The following FGF4 variants were observed in gnomAD, a reference collection of about 807,000 sequenced individuals.
The protein encoded by FGF4 is heparin secretory transforming protein 1.
FGF4 carries 9 observed loss-of-function variants against 15.7 expected under a neutral mutation model. That is an observed-to-expected ratio of 0.57 (90% CI 0.35 to 1.00). The LOEUF is 1.00. Ranked by LOEUF, FGF4 falls within the 50% of genes least tolerant of loss-of-function variation. The pLI, the probability that FGF4 is intolerant of heterozygous loss-of-function variation, is 0.02. For synonymous variants in FGF4, 164 were observed against 144.8 expected, an observed-to-expected ratio of 1.13 and a Z score of -0.95; for missense variants, 286 against 297.3, an observed-to-expected ratio of 0.96 and a Z score of 0.28.
At position 69,771,454 on chromosome 11, in the gene FGF4, G is replaced by T. The variant is rs80187366; in HGVS notation, c.*1855C>A. On this transcript the variant is annotated 3_prime_UTR_variant, in exon 3 of 3. Coordinates refer to ENST00000168712, the MANE Select transcript of FGF4 (RefSeq NM_002007.4). ...AAGTGAATACATTAAAATTCAGAAA[G>T]TCGACGGATGATCCCTCCACACCCC... 1 of 152,118 alleles carries T rather than the reference G, an allele frequency of 6.6e-6. No individual in the cohort carries two copies. Among genetic ancestry groups the T allele is most frequent in the African/African-American group, 2.4e-5 (1 of 41,400 alleles). The allele number at this position is 152,118 out of a possible 1,614,324, so 9.4% of individuals were successfully genotyped here.
Position 69,775,250 on chromosome 11 carries a change from C to G in FGF4, c.-166G>C, listed in dbSNP as rs1054447598. On this transcript the variant is annotated 5_prime_UTR_variant, in exon 1 of 3. It removes the in-frame stop codon of an upstream open reading frame in the 5' UTR. Coordinates refer to ENST00000168712, the MANE Select transcript of FGF4 (RefSeq NM_002007.4). ...CGACGGGGCCCCCGGGCGCCGGGCT[C>G]TACCCCGGCTGCATGGAGCGGCGAG... 1 of 421,960 alleles carries G rather than the reference C, an allele frequency of 2.4e-6. No homozygotes were observed. The highest frequency in any genetic ancestry group is 4.0e-6 in the Non-Finnish European group (1 of 249,736). The allele number at this position is 421,960 out of a possible 1,614,324, so 26.1% of individuals were successfully genotyped here. A position where few individuals can be genotyped will look rare whatever the true frequency, so the allele number is the denominator to read the frequency against.
At chr11:69,773,888 C>T in intron 2 of FGF4, 136 bp downstream of exon 2, 1 of 672,034 alleles carries the variant, frequency 1.5e-6, no homozygotes, top group African/African-American at 1.8e-5. Context: ...TCTGGGGAGG[C>T]CTGCCGGTCC....
chr11:69,771,942 C>T lies in FGF4; in HGVS notation c.*1367G>A, dbSNP rs1325972954. 3 of 152,124 alleles carry T rather than the reference C, an allele frequency of 2.0e-5. No homozygotes were observed. Among genetic ancestry groups the T allele is most frequent in the East Asian group, 1.9e-4 (1 of 5,194 alleles). 9.4% of individuals were successfully genotyped at this position (152,124 alleles called of 1,614,324 possible). ...GAACTTTTTTTAAACATCACCGACC[C>T]TGCCTCTTCCACGGTTGCTTCAATG... On this transcript the variant is annotated 3_prime_UTR_variant, in exon 3 of 3. Coordinates refer to ENST00000168712, the MANE Select transcript of FGF4 (RefSeq NM_002007.4).
At chr11:69,774,165 C>T (rs1855610468) in intron 1 of FGF4, 38 bp from the exon 2 acceptor site, 1 of 1,490,244 alleles carries the variant, frequency 6.7e-7, no homozygotes, top group Non-Finnish European at 9.3e-7. Flanking sequence ...GGCAGGTGAT[C>T]CCTGGCCCAC....
rs1855628379 is a variant in FGF4 at position 69,775,233 on chromosome 11, C to G, written c.-149G>C. 2 of 484,622 alleles carry G rather than the reference C, an allele frequency of 4.1e-6. No homozygotes were observed. The highest frequency in any genetic ancestry group is 4.5e-5 in the Admixed American group (1 of 22,238). 30.0% of individuals were successfully genotyped at this position (484,622 alleles called of 1,614,324 possible). A position where few individuals can be genotyped will look rare whatever the true frequency, so the allele number is the denominator to read the frequency against. ...GAGGTGCGGGAGGCAAGCGACGGGGCCCCCGGGCGCCGGGCTCTACCCCGG... is the reference window on the plus strand; with the variant it reads ...GAGGTGCGGGAGGCAAGCGACGGGGGCCCCGGGCGCCGGGCTCTACCCCGG... On this transcript the variant is annotated 5_prime_UTR_variant, in exon 1 of 3. Coordinates refer to ENST00000168712, the MANE Select transcript of FGF4 (RefSeq NM_002007.4).
rs564687228 is a variant in FGF4 at position 69,773,299 on chromosome 11, C to T, written c.*10G>A. 6 of 1,613,862 alleles carry T rather than the reference C, an allele frequency of 3.7e-6. No homozygotes were observed. The East Asian group carries it at 1.3e-4, about 36-fold the overall frequency. The stretch of plus-strand genomic sequence containing the variant: ...GCTTCCCGAGGCTGAGGCAAGGGTC[C>T]TCTGGAGGGTCACAGCCTGGGGAGG... On this transcript the variant is annotated 3_prime_UTR_variant, in exon 3 of 3. Transcript: ENST00000168712.
At position 69,772,735 on chromosome 11, in the gene FGF4, G is replaced by GTTCAA. The variant is rs2119825580; in HGVS notation, c.*573_*574insTTGAA. 1 of 154,914 alleles carries GTTCAA rather than the reference G, an allele frequency of 6.5e-6. No individual in the cohort carries two copies. Among genetic ancestry groups the GTTCAA allele is most frequent in the East Asian group, 1.8e-4 (1 of 5,556 alleles). 9.6% of individuals were successfully genotyped at this position (154,914 alleles called of 1,614,324 possible). On this transcript the variant is annotated 3_prime_UTR_variant, in exon 3 of 3. Transcript: ENST00000168712. ...AAGATTGACTACAGGAAAGTTCAAA[G>GTTCAA]GTCAGTCTTGGCAGATCTAAAAACA...
intron 2 of FGF4, 138 bp downstream of exon 2, chr11:69,773,886 G>A: frequency 1.5e-6 from 1 of 662,274 alleles, no homozygotes; most frequent in Non-Finnish European, 2.6e-6. Context: ...TGTCTGGGGA[G>A]GCCTGCCGGT....
Position 69,775,042 on chromosome 11 carries a change from C to T in FGF4, c.43G>A (p.Val15Ile), listed in dbSNP as rs1405375767. The change falls in exon 1 of 3, where the codon GTC becomes ATC. Residue 15 changes from valine (V) to isoleucine (I), a missense_variant. By Grantham distance (29) the Val-to-Ile change is conservative (BLOSUM62 3). Transcript: ENST00000168712. ...CAGGGCGCCAGCAAGGCCAGCAGGA[C>T]CGCCGGGAGCAGCGCTACCGCGGCC... ...GTAAVALLPA[V>I]LLALLAPWAG... 7.1e-7 allele frequency: 1 copy of T among 1,402,504 alleles called. No homozygotes were observed. The allele number at this position is 1,402,504 out of a possible 1,614,324, so 86.9% of individuals were successfully genotyped here. A position where few individuals can be genotyped will look rare whatever the true frequency, so the allele number is the denominator to read the frequency against.
At chr11:69,773,728 A>T (rs556304786) in intron 2 of FGF4, among the ~76,000 whole-genome samples, 6 of 152,312 alleles carry the variant, frequency 3.9e-5, no homozygotes, top group African/African-American at 1.4e-4. Context: ...CTCCGTGTCC[A>T]GCCTCAAGCC....
rs1238037919 is a variant in FGF4 at position 69,775,214 on chromosome 11, CG to C, written c.-131del. On this transcript the variant is annotated 5_prime_UTR_variant, in exon 1 of 3. Coordinates refer to ENST00000168712, the MANE Select transcript of FGF4 (RefSeq NM_002007.4). ...GCAGGAGTGCGCAACCGAGGAGGTGCGGGAGGCAAGCGACGGGGCCCCCGGG... is the reference window on the plus strand; with the variant it reads ...GCAGGAGTGCGCAACCGAGGAGGTGCGGAGGCAAGCGACGGGGCCCCCGGG... The C allele has an allele frequency of 8.4e-6, 5 of 597,952 alleles. No homozygotes were observed. The highest frequency in any genetic ancestry group is 1.2e-5 in the Non-Finnish European group (5 of 410,622). The allele number at this position is 597,952 out of a possible 1,614,324, so 37.0% of individuals were successfully genotyped here.
Position 69,775,044 on chromosome 11 carries a change from G to T in FGF4, c.41C>A (p.Ala14Glu). Residue 14 changes from alanine to glutamate, a missense_variant, in exon 1 of 3, where the codon GCG becomes GAG. Transcript: ENST00000168712. ...GGGCGCCAGCAAGGCCAGCAGGACC[G>T]CCGGGAGCAGCGCTACCGCGGCCGT... ...PGTAAVALLP[A>E]VLLALLAPWA... is the part of the protein sequence containing the mutation. 1.4e-6 allele frequency: 2 copies of T among 1,398,676 alleles called. No homozygotes were observed. The highest frequency in any genetic ancestry group is 1.5e-5 in the African/African-American group (1 of 66,116). The allele number at this position is 1,398,676 out of a possible 1,614,324, so 86.6% of individuals were successfully genotyped here.
Position 69,771,835 on chromosome 11 carries a change from G to A in FGF4, c.*1474C>T, listed in dbSNP as rs1855572523. 2 of 152,150 alleles carry A rather than the reference G, an allele frequency of 1.3e-5. No individual in the cohort carries two copies. The highest frequency in any genetic ancestry group is 2.9e-5 in the Non-Finnish European group (2 of 68,040). The allele number at this position is 152,150 out of a possible 1,614,324, so 9.4% of individuals were successfully genotyped here. A position where few individuals can be genotyped will look rare whatever the true frequency, so the allele number is the denominator to read the frequency against. On this transcript the variant is annotated 3_prime_UTR_variant, in exon 3 of 3. Coordinates refer to ENST00000168712, the MANE Select transcript of FGF4 (RefSeq NM_002007.4). The stretch of plus-strand genomic sequence containing the variant: ...TTAAAGTCTTGACGAAACATTCGGA[G>A]CATTTCTGGTAGCAAGCTAAGGTCA...
Position 69,773,436 on chromosome 11 carries a change from T to A in FGF4, c.494A>T (p.Asn165Ile), listed in dbSNP as rs1288378265. 3.7e-6 allele frequency: 6 copies of A among 1,614,120 alleles called. No individual in the cohort carries two copies. Among genetic ancestry groups the A allele is most frequent in the Non-Finnish European group, 5.1e-6 (6 of 1,179,996 alleles). ...CTFKEILLPN[N>I]YNAYESYKYP... ...CTTGTAGGACTCGTAGGCGTTGTAG[T>A]TGTTGGGAAGGAGAATCTCCTTGAA... Residue 165 changes from asparagine (N) to isoleucine (I), a missense_variant, in exon 3 of 3, where the codon AAC (asparagine) becomes ATC (isoleucine). By Grantham distance (149) the Asn-to-Ile change is moderately radical. Coordinates refer to ENST00000168712, the MANE Select transcript of FGF4 (RefSeq NM_002007.4).
chr11:69,775,076 C>T lies in FGF4; in HGVS notation c.9G>A (p.Gly3=), dbSNP rs1440723121. 1.5e-6 allele frequency: 2 copies of T among 1,332,642 alleles called. No homozygotes were observed. The highest frequency in any genetic ancestry group is 1.5e-5 in the African/African-American group (1 of 64,776). 82.6% of individuals were successfully genotyped at this position (1,332,642 alleles called of 1,614,324 possible). The part of the protein sequence containing the change: MS[G]PGTAAVALLP... ...GCAGCGCTACCGCGGCCGTCCCGGG[C>T]CCCGACATCCCGGCCCGAGGGCCGT... The change falls in exon 1 of 3, where the codon GGG becomes GGA. Residue 3 remains glycine (G), a synonymous_variant. Coordinates refer to ENST00000168712, the MANE Select transcript of FGF4 (RefSeq NM_002007.4).
chr11:69,773,089 GT>G lies in FGF4; in HGVS notation c.*219del, dbSNP rs1322434874. 1.9e-5 allele frequency: 9 copies of G among 480,190 alleles called. No homozygotes were observed. Among genetic ancestry groups the G allele is most frequent in the Non-Finnish European group, 3.3e-5 (9 of 272,280 alleles). 29.7% of individuals were successfully genotyped at this position (480,190 alleles called of 1,614,324 possible). A position where few individuals can be genotyped will look rare whatever the true frequency, so the allele number is the denominator to read the frequency against. On this transcript the variant is annotated 3_prime_UTR_variant, in exon 3 of 3. Transcript: ENST00000168712. ...TGTTGCACCAGAAAAGTCAGAGTTG[GT>G]TTTTTGTTTTGTCTTTTTTTCCCCC...
Position 69,771,494 on chromosome 11 carries a change from C to T in FGF4, c.*1815G>A, listed in dbSNP as rs1855568331. On this transcript the variant is annotated 3_prime_UTR_variant, in exon 3 of 3. Transcript: ENST00000168712. ...CTCCACACCCCCCAACGCCAAACAG[C>T]ATGGAGACCTACAAACACCATCTTT... The T allele has an allele frequency of 1.3e-5, 2 of 152,156 alleles. No homozygotes were observed. Among genetic ancestry groups the T allele is most frequent in the African/African-American group, 4.8e-5 (2 of 41,448 alleles). 9.4% of individuals were successfully genotyped at this position (152,156 alleles called of 1,614,324 possible). A position where few individuals can be genotyped will look rare whatever the true frequency, so the allele number is the denominator to read the frequency against.
intron 2 of FGF4, 125 bp downstream of exon 2, chr11:69,773,899 C>G (rs1379314700): frequency 1.4e-6 from 1 of 732,880 alleles, no homozygotes; most frequent in African/African-American, 1.8e-5. Flanking sequence ...CTGCCGGTCC[C>G]GTGACCTGGT....
rs757323285 is a variant in FGF4, at chr11:69,773,108, T to C, written c.*201A>G. ...GAGTTGGTTTTTTGTTTTGTCTTTT[T>C]TTCCCCCCAGAAAATTAAAAAACAC... On this transcript the variant is annotated 3_prime_UTR_variant, in exon 3 of 3. Transcript: ENST00000168712. The C allele has an allele frequency of 1.0e-5, 5 of 479,062 alleles. No homozygotes were observed. Among genetic ancestry groups the C allele is most frequent in the Non-Finnish European group, 1.8e-5 (5 of 272,816 alleles). The allele number at this position is 479,062 out of a possible 1,614,324, so 29.7% of individuals were successfully genotyped here. A position where few individuals can be genotyped will look rare whatever the true frequency, so the allele number is the denominator to read the frequency against.
Sources: allele counts gnomAD v4.1 joint callset (sites outside exome capture counted in the v4.1 genomes callset), GRCh38; gene constraint gnomAD v4.1.1; transcripts MANE v1.5; gene names NCBI Gene and HGNC (gene_info 2026-07-23, HGNC 2026-07-21).